The following ALG13 variants were observed in gnomAD, a reference collection of about 807,000 sequenced individuals.
ALG13 encodes ALG13 UDP-N-acetylglucosaminyltransferase subunit, also known as UDP-N-acetylglucosamine transferase subunit ALG13.
ALG13 carries 11 observed loss-of-function variants against 87.8 expected under a neutral mutation model. That is an observed-to-expected ratio of 0.13 (90% CI 0.08 to 0.21). The LOEUF (loss-of-function observed/expected upper bound fraction) is 0.21. Among genes scored for constraint, ALG13 ranks in the 10% least tolerant of loss-of-function variants. The pLI is 1.00. For missense variants in ALG13, 756 were observed against 866.1 expected (o/e 0.87, Z 1.60); for synonymous variants, 320 against 306.3 (o/e 1.04, Z -0.47).
chrX:111,710,176 A>T (rs1205503389), intron 5 of ALG13, among the ~76,000 whole-genome samples: 2 of 109,975 alleles, frequency 1.8e-5, no homozygotes, highest in Non-Finnish European at 3.8e-5. Flanking sequence ...GACTACAGGC[A>T]CACGCCACCT....
At position 111,720,120 on chromosome X, in the gene ALG13, A is replaced by G; in HGVS notation, c.1276A>G (p.Asn426Asp). The G allele has an allele frequency of 8.4e-7, 1 of 1,195,473 alleles. No individual in the cohort carries two copies. Residue 426 changes from asparagine to aspartate, a missense_variant, in exon 11 of 27, where the codon AAT becomes GAT. Asn to Asp is a conservative substitution (Grantham distance 23). Transcript: ENST00000394780. The part of the protein sequence containing the change: ...NRMEEWGACY[N>D]AENIPEGYNK... Reference sequence around the variant, plus strand: ...GATGGAAGAGTGGGGTGCCTGCTACAATGCTGAAAATATACCAGAGGGCTA... The same window carrying G: ...GATGGAAGAGTGGGGTGCCTGCTACGATGCTGAAAATATACCAGAGGGCTA...
intron 24 of ALG13, among the ~76,000 whole-genome samples, chrX:111,746,740 C>G (rs1944275254): frequency 8.9e-6 from 1 of 112,237 alleles, no homozygotes; most frequent in Admixed American, 9.5e-5. Flanking sequence ...TATGTGTTTA[C>G]TTTTATAAGT....
intron 21 of ALG13, among the ~76,000 whole-genome samples, chrX:111,734,737 T>C (rs750027298): frequency 1.4e-4 from 16 of 111,385 alleles, no homozygotes; most frequent in Non-Finnish European, 3.8e-5. Context: ...AGCAAAACTA[T>C]TGTTGGTCCT....
intron 26 of ALG13, among the ~76,000 whole-genome samples, 164 bp downstream of exon 26, chrX:111,757,926 C>G (rs1039464456): frequency 3.6e-5 from 4 of 111,737 alleles, no homozygotes; most frequent in African/African-American, 1.3e-4. Flanking sequence ...TCAAGGGATT[C>G]ATGAGGTCAG....
At chrX:111,752,102 A>G (rs751195250) in intron 24 of ALG13, among the ~76,000 whole-genome samples, 60 of 111,692 alleles carry the variant, frequency 5.4e-4, no homozygotes, top group African/African-American at 1.4e-3. Context: ...TGTACTGTAT[A>G]TAAGTGCTAG....
At chrX:111,717,034 C>A (rs1019073637) in intron 8 of ALG13, 2 of 109,714 alleles carry the variant, frequency 1.8e-5, no homozygotes, top group Admixed American at 2.0e-4. Context: ...TAGCTTCAAA[C>A]CCCTGGGCTC....
chrX:111,738,597 G>A, intron 23 of ALG13, among the ~76,000 whole-genome samples: 1 of 111,747 alleles, frequency 8.9e-6, no homozygotes, highest in Admixed American at 9.5e-5. Flanking sequence ...GGAGTGCAGT[G>A]ACATGATCAT....
rs1057523046 is a variant in ALG13 at position 111,712,467 on chromosome X, A to G, written c.886-17A>G. 2.6e-6 allele frequency: 3 copies of G among 1,136,370 alleles called. No homozygotes were observed. Among genetic ancestry groups the G allele is most frequent in the Non-Finnish European group, 3.5e-6 (3 of 848,237 alleles). The allele number at this position is 1,136,370 out of a possible 1,213,427, so 93.6% of individuals were successfully genotyped here. A position where few individuals can be genotyped will look rare whatever the true frequency, so the allele number is the denominator to read the frequency against. The stretch of plus-strand genomic sequence containing the variant: ...TACAGAATGTTTTTTAAAACTCAAT[A>G]CACTATTTATGTTTAGGAAAGTGCT... On this transcript the variant is annotated splice_polypyrimidine_tract_variant and intron_variant, in intron 6 of 26. Coordinates refer to ENST00000394780, the MANE Select transcript of ALG13 (RefSeq NM_001099922.3).
chrX:111,730,368 T>A, intron 19 of ALG13, 27 bp from the exon 20 acceptor site: 1 of 1,202,826 alleles, frequency 8.3e-7, no homozygotes, highest in Non-Finnish European at 1.1e-6. Flanking sequence ...ATAAACACAT[T>A]TCTTCTGTCT....
Position 111,759,117 on chromosome X carries a change from CAG to C in ALG13, c.3149-614_3149-613del, listed in dbSNP as rs772777246. On this transcript the variant is annotated intron_variant, in intron 26 of 26. Transcript: ENST00000394780. ...TGAGGCAGTGGCAGTCTTAATTTCA[CAG>C]AGTTAATCTAAGCCCAAGTAATGAA... Among the ~76,000 whole-genome samples the C allele has an allele frequency of 7.5e-5, 8 of 106,845 alleles. No individual in the cohort carries two copies. In the South Asian group the frequency reaches 2.9e-3, roughly 38 times the overall value. The allele number at this position is 106,845 out of a possible 115,157, so 92.8% of individuals were successfully genotyped here.
chrX:111,757,248 G>T, intron 25 of ALG13: 2 of 154,465 alleles, frequency 1.3e-5, no homozygotes, highest in Non-Finnish European at 1.2e-5. Flanking sequence ...ATTTCATTAC[G>T]GGTATATAAT....
chrX:111,751,052 G>C (rs1177452791), intron 24 of ALG13, among the ~76,000 whole-genome samples: 1 of 105,280 alleles, frequency 9.5e-6, no homozygotes, highest in Non-Finnish European at 1.9e-5. Context: ...CTACAGTATA[G>C]TGTATAAGCA....
Position 111,760,115 on chromosome X carries a change from G to A in ALG13, c.*116G>A, listed in dbSNP as rs1374385475. On this transcript the variant is annotated 3_prime_UTR_variant, in exon 27 of 27. Coordinates refer to ENST00000394780, the MANE Select transcript of ALG13 (RefSeq NM_001099922.3). ...GTGATTAGTGTTTACTATTGTATTT[G>A]TCTTTAAAATTATTTTATCTTTTGA... is the stretch of plus-strand genomic sequence containing the variant. 7.6e-6 allele frequency: 6 copies of A among 788,682 alleles called. No homozygotes were observed. In the African/African-American group the frequency reaches 1.3e-4, roughly 17 times the overall value. 65.0% of individuals were successfully genotyped at this position (788,682 alleles called of 1,213,427 possible). A position where few individuals can be genotyped will look rare whatever the true frequency, so the allele number is the denominator to read the frequency against.
At chrX:111,752,446 C>T (rs1944837215) in intron 24 of ALG13, among the ~76,000 whole-genome samples, 2 of 109,940 alleles carry the variant, frequency 1.8e-5, no homozygotes, top group South Asian at 4.0e-4. Flanking sequence ...GATGGAGTCT[C>T]GCTCTGTCAC....
At chrX:111,723,429 C>T (rs1248928234) in intron 13 of ALG13, among the ~76,000 whole-genome samples, 1 of 110,681 alleles carries the variant, frequency 9.0e-6, no homozygotes, top group Non-Finnish European at 1.9e-5. Context: ...TGAGCCAGTG[C>T]ACCTGGACTA....
chrX:111,687,766 CAT>C lies in ALG13; in HGVS notation c.383+2664_383+2665del, dbSNP rs1431987670. The stretch of plus-strand genomic sequence containing the variant: ...ACTTATTAAAATATATAAAAATTCA[CAT>C]GTGCAGTTTTTAGAAGTACCACTAT... On this transcript the variant is annotated intron_variant, in intron 3 of 26. Coordinates refer to ENST00000394780, the MANE Select transcript of ALG13 (RefSeq NM_001099922.3). 69 of 533,870 alleles carry C rather than the reference CAT, an allele frequency of 1.3e-4. 1 individual carries two copies. In the African/African-American group the frequency reaches 1.4e-3, roughly 11 times the overall value. 44.0% of individuals were successfully genotyped at this position (533,870 alleles called of 1,213,427 possible). A position where few individuals can be genotyped will look rare whatever the true frequency, so the allele number is the denominator to read the frequency against.
chrX:111,681,531 C>G, intron 1 of ALG13: 1 of 983,165 alleles, frequency 1.0e-6, no homozygotes, highest in Admixed American at 4.2e-5. Context: ...TCCGGCCGCT[C>G]CTCTCCCTCA....
intron 3 of ALG13, among the ~76,000 whole-genome samples, chrX:111,691,542 G>T (rs190423009): frequency 1.0e-3 from 114 of 112,331 alleles, no homozygotes; most frequent in Non-Finnish European, 1.6e-3. Context: ...GCAATAATTG[G>T]TATTGTCCAT....
intron 25 of ALG13, among the ~76,000 whole-genome samples, chrX:111,755,828 A>G (rs768809861): frequency 1.8e-5 from 2 of 112,668 alleles, no homozygotes; most frequent in Admixed American, 9.3e-5. Context: ...TGGAGTGTAA[A>G]TTAGTTCAAC....
Sources: allele counts gnomAD v4.1 joint callset (sites outside exome capture counted in the v4.1 genomes callset), GRCh38; gene constraint gnomAD v4.1.1; transcripts MANE v1.5; gene names NCBI Gene and HGNC (gene_info 2026-07-23, HGNC 2026-07-21).